The following NCAPH variants were observed in gnomAD, a reference collection of about 807,000 sequenced individuals.
NCAPH encodes the protein condensin complex subunit 2.
NCAPH carries 38 observed loss-of-function variants against 85.5 expected under a neutral mutation model. The observed-to-expected ratio is 0.44, with a 90% confidence interval of 0.34 to 0.58. The LOEUF (loss-of-function observed/expected upper bound fraction) is 0.58. Ranked by LOEUF, NCAPH falls within the 20% of genes least tolerant of loss-of-function variation. The probability of loss-of-function intolerance (pLI) is 0.01; values close to 1 mark genes in which losing one functional copy is unlikely to be tolerated. For synonymous variants in NCAPH, 301 were observed against 335.1 expected (o/e 0.90, Z 1.11); for missense variants, 789 against 916.6 (o/e 0.86, Z 1.80).
chr2:96,344,250 T>C (rs985856428), intron 6 of NCAPH, 21 bp downstream of exon 6: 2 of 1,587,212 alleles, frequency 1.3e-6, no homozygotes, highest in East Asian at 2.3e-5. Context: ...GTATGCGCAG[T>C]GTGGTTTCTG....
chr2:96,357,969 T>C (rs918163294), intron 9 of NCAPH, among the ~76,000 whole-genome samples: 1 of 152,150 alleles, frequency 6.6e-6, no homozygotes, highest in Non-Finnish European at 1.5e-5. Context: ...AGCTTGTACC[T>C]TGTGGAAAGA....
intron 17 of NCAPH, among the ~76,000 whole-genome samples, chr2:96,371,673 C>T (rs572827280): frequency 1.3e-5 from 2 of 152,258 alleles, no homozygotes; most frequent in African/African-American, 2.4e-5. Context: ...GGCTGAGCAC[C>T]GAGGCCATTA....
At chr2:96,348,578 C>G (rs1366087422) in intron 6 of NCAPH, among the ~76,000 whole-genome samples, 1 of 152,022 alleles carries the variant, frequency 6.6e-6, no homozygotes, top group Non-Finnish European at 1.5e-5. Context: ...AAAGCCCTTT[C>G]TACGTTCCCT....
In NCAPH at chr2:96,351,928, A is replaced by T. The variant is rs1266506997; in HGVS notation, c.818A>T (p.Glu273Val). 1 of 1,613,874 alleles carries T rather than the reference A, an allele frequency of 6.2e-7. No homozygotes were observed. Among genetic ancestry groups the T allele is most frequent in the African/African-American group, 1.3e-5 (1 of 74,920 alleles). ...STLHCQDYRSELLFPSDVQTL... is the reference protein window; with the variant it reads ...STLHCQDYRSVLLFPSDVQTL... The stretch of plus-strand genomic sequence containing the variant: ...CTCCACTGCCAGGACTACAGAAGTG[A>T]ACTGCTGTTTCCCTCTGATGTCCAG... The change falls in exon 7 of 18, where the codon GAA becomes GTA. Residue 273 changes from glutamate to valine, a missense_variant. Coordinates refer to ENST00000240423, the MANE Select transcript of NCAPH (RefSeq NM_015341.5).
intron 17 of NCAPH, among the ~76,000 whole-genome samples, chr2:96,372,159 G>T (rs2104510954): frequency 6.6e-6 from 1 of 152,346 alleles, no homozygotes; most frequent in African/African-American, 2.4e-5. Context: ...CGTCAGGAAA[G>T]GTCTCATAGC....
chr2:96,371,313 A>G (rs1328654352), intron 17 of NCAPH, among the ~76,000 whole-genome samples: 1 of 152,152 alleles, frequency 6.6e-6, no homozygotes, highest in African/African-American at 2.4e-5. Flanking sequence ...TCCAAAGCTC[A>G]GAAACCCTTC....
In NCAPH at chr2:96,360,124, G is replaced by A. The variant is rs765550666; in HGVS notation, c.1358-19G>A. The stretch of plus-strand genomic sequence containing the variant: ...TAGGCCACAGAAGTGAAGTGCTGAC[G>A]TCTGTGTTCACTCTGCAGAAGATGC... On this transcript the variant is annotated intron_variant, in intron 10 of 17. Coordinates refer to ENST00000240423, the MANE Select transcript of NCAPH (RefSeq NM_015341.5). The A allele has an allele frequency of 2.4e-5, 33 of 1,361,956 alleles. No homozygotes were observed. In the Admixed American group the frequency reaches 4.5e-4, roughly 19 times the overall value. 84.4% of individuals were successfully genotyped at this position (1,361,956 alleles called of 1,614,324 possible). A position where few individuals can be genotyped will look rare whatever the true frequency, so the allele number is the denominator to read the frequency against.
At chr2:96,369,982 G>A (rs553070091) in intron 17 of NCAPH, among the ~76,000 whole-genome samples, 10 of 152,362 alleles carry the variant, frequency 6.6e-5, no homozygotes, top group African/African-American at 2.4e-4. Context: ...GAATCCTGAA[G>A]TGCCAGCTGG....
At position 96,361,757 on chromosome 2, in the gene NCAPH, TATATATATATACATATATATATATACAC is replaced by T. The variant is rs1238354708; in HGVS notation, c.1587+1056_1587+1083del. Among the ~76,000 whole-genome samples, 4 of 131,862 alleles carry T rather than the reference TATATATATATACATATATATATATACAC, an allele frequency of 3.0e-5. No homozygotes were observed. The South Asian group carries it at 1.3e-3, about 44-fold the overall frequency. 86.5% of individuals were successfully genotyped at this position (131,862 alleles called of 152,430 possible). A position where few individuals can be genotyped will look rare whatever the true frequency, so the allele number is the denominator to read the frequency against. ...TTCCACAAGATTTTAATGATATATA[TATATATATATACATATATATATATACAC>T]ATATATATGTATATATATGTGTATA... On this transcript the variant is annotated intron_variant, in intron 12 of 17. Transcript: ENST00000240423.
intron 1 of NCAPH, among the ~76,000 whole-genome samples, chr2:96,339,012 C>A (rs1033603078): frequency 2.0e-5 from 3 of 152,048 alleles, no homozygotes; most frequent in Admixed American, 2.0e-4. Context: ...GGGGTTTCAC[C>A]GTGTTGGCCA....
chr2:96,357,951 T>TA (rs1269951067), intron 9 of NCAPH, among the ~76,000 whole-genome samples: 1 of 152,136 alleles, frequency 6.6e-6, no homozygotes, highest in African/African-American at 2.4e-5. Flanking sequence ...TGGAGCCCTT[T>TA]AGGAGAAAGC....
Position 96,341,858 on chromosome 2 carries a change from C to G in NCAPH, c.236C>G (p.Thr79Ser). ...AGGGTCTTTGATCTGCAGTTCAGCA[C>G]TGACTCACCTCGCTTATTGGCCTCC... ...RSRVFDLQFS[T>S]DSPRLLASPS... Residue 79 changes from threonine (T) to serine (S), a missense_variant, in exon 2 of 18, where the codon ACT (threonine) becomes AGT (serine). Physicochemically the swap from Thr to Ser is moderately conservative, Grantham distance 58 (BLOSUM62 1). Coordinates refer to ENST00000240423, the MANE Select transcript of NCAPH (RefSeq NM_015341.5). 6.2e-7 allele frequency: 1 copy of G among 1,612,450 alleles called. No homozygotes were observed. The highest frequency in any genetic ancestry group is 8.5e-7 in the Non-Finnish European group (1 of 1,179,740).
intron 6 of NCAPH, among the ~76,000 whole-genome samples, chr2:96,346,109 C>T (rs1040007882): frequency 3.3e-5 from 5 of 152,198 alleles, no homozygotes; most frequent in African/African-American, 4.8e-5. Flanking sequence ...GATGTCCTTG[C>T]GCAGGTGAGA....
In NCAPH at chr2:96,341,653, A is replaced by G. The variant is rs1281300433; in HGVS notation, c.31A>G (p.Thr11Ala). The G allele has an allele frequency of 6.2e-7, 1 of 1,611,078 alleles. No individual in the cohort carries two copies. The highest frequency in any genetic ancestry group is 8.5e-7 in the Non-Finnish European group (1 of 1,177,714). Residue 11 changes from threonine (T) to alanine (A), a missense_variant, in exon 2 of 18, where the codon ACA becomes GCA. By Grantham distance (58) the Thr-to-Ala change is moderately conservative. Coordinates refer to ENST00000240423, the MANE Select transcript of NCAPH (RefSeq NM_015341.5). MGPPGPALPA[T>A]MNNSSSETRG... ...GAATTTTGTTCCAGCACTGCCAGCC[A>G]CAATGAATAACTCTTCTTCAGAGAC...
chr2:96,361,830 T>A (rs772155), intron 12 of NCAPH, among the ~76,000 whole-genome samples: 31,440 of 76,406 alleles, frequency 0.41, 4,420 homozygotes, highest in East Asian at 0.54. Flanking sequence ...ATATATATAT[T>A]TTTTTTTTTT....
chr2:96,360,186 A>G lies in NCAPH; in HGVS notation c.1401A>G (p.Lys467=). The part of the protein sequence containing the change: ...SQSENKKKST[K]KDFEIDFEDD... ...CAGAAAACAAAAAGAAGAGTACAAA[A>G]AAAGATTTTGAAATTGACTTTGAAG... The change falls in exon 11 of 18, where the codon AAA becomes AAG. Residue 467 remains lysine, a synonymous_variant. Transcript: ENST00000240423. The G allele has an allele frequency of 1.3e-6, 2 of 1,593,784 alleles. No individual in the cohort carries two copies. The highest frequency in any genetic ancestry group is 1.7e-6 in the Non-Finnish European group (2 of 1,163,474).
At chr2:96,335,984 CAG>C (rs2064207843) in intron 1 of NCAPH, 136 bp downstream of exon 1, 1 of 850,522 alleles carries the variant, frequency 1.2e-6, no homozygotes, top group Non-Finnish European at 1.6e-6. Flanking sequence ...CGGCTGACAG[CAG>C]AGGCCGGTGC....
intron 17 of NCAPH, among the ~76,000 whole-genome samples, chr2:96,370,253 G>A (rs918570366): frequency 1.3e-5 from 2 of 152,242 alleles, no homozygotes; most frequent in Non-Finnish European, 2.9e-5. Context: ...GCCATGGCGT[G>A]TGCGGCAAGC....
Position 96,376,003 on chromosome 2 carries a change from T to C in NCAPH, c.*2652T>C, listed in dbSNP as rs985875514. Among the ~76,000 whole-genome samples the C allele has an allele frequency of 6.6e-6, 1 of 152,168 alleles. No individual in the cohort carries two copies. The highest frequency in any genetic ancestry group is 1.5e-5 in the Non-Finnish European group (1 of 68,028). ...GACTTTTCAGCCTCCATAACTGTAA[T>C]AAATTCCTTTGTCAGTTACCCAGTT... On this transcript the variant is annotated 3_prime_UTR_variant, in exon 18 of 18. Transcript: ENST00000240423.
Sources: allele counts gnomAD v4.1 joint callset (sites outside exome capture counted in the v4.1 genomes callset), GRCh38; gene constraint gnomAD v4.1.1; transcripts MANE v1.5; gene names NCBI Gene and HGNC (gene_info 2026-07-23, HGNC 2026-07-21).